The following SGCD variants were observed in gnomAD, a reference collection of about 807,000 sequenced individuals.
SGCD encodes delta-sarcoglycan.
A neutral mutation model predicts 36.6 loss-of-function variants in SGCD; 18 were observed. That is an observed-to-expected ratio of 0.49 (90% CI 0.34 to 0.73). SGCD has a LOEUF of 0.73. Among genes scored for constraint, SGCD ranks in the 30% least tolerant of loss-of-function variants. The probability of loss-of-function intolerance (pLI) is 0.01; values close to 1 mark genes in which losing one functional copy is unlikely to be tolerated. For synonymous variants in SGCD, 133 were observed against 130.6 expected (o/e 1.02, Z -0.12); for missense variants, 387 against 346.7 (o/e 1.12, Z -0.92).
At position 155,977,921 on chromosome 5, in the gene SGCD, C is replaced by T. The variant is rs182421431; in HGVS notation, c.-282+107497C>T. Among the ~76,000 whole-genome samples, 420 of 152,122 alleles carry T rather than the reference C, an allele frequency of 2.8e-3. 1 individual carries two copies. The highest frequency in any genetic ancestry group is 4.8e-3 in the Non-Finnish European group (324 of 67,986). On this transcript the variant is annotated intron_variant, in intron 1 of 9. Transcript: ENST00000517913. The stretch of plus-strand genomic sequence containing the variant: ...CCATCCTAGCTAACATGGTGAAACC[C>T]GGTATCTACTAAAACACAAAAAACT...
chr5:156,434,580 A>C (rs1391196380), intron 3 of SGCD, among the ~76,000 whole-genome samples: 2 of 152,222 alleles, frequency 1.3e-5, no homozygotes, highest in African/African-American at 4.8e-5. Flanking sequence ...TTAATGAATG[A>C]AGCCGTATGA....
At chr5:155,928,218 G>T (rs1757029943) in intron 1 of SGCD, among the ~76,000 whole-genome samples, 1 of 152,108 alleles carries the variant, frequency 6.6e-6, no homozygotes, top group Non-Finnish European at 1.5e-5. Flanking sequence ...TTAAGGAAAG[G>T]TCCTTTATAG....
At chr5:156,600,724 A>T (rs1196118282) in intron 6 of SGCD, among the ~76,000 whole-genome samples, 5 of 152,098 alleles carry the variant, frequency 3.3e-5, no homozygotes, top group African/African-American at 7.2e-5. Flanking sequence ...TGGTAGTTCT[A>T]TTTTAATTAT....
At chr5:156,699,951 A>G (rs1251411007) in intron 7 of SGCD, among the ~76,000 whole-genome samples, 1 of 152,146 alleles carries the variant, frequency 6.6e-6, no homozygotes, top group Non-Finnish European at 1.5e-5. Context: ...CTAAGTGAAC[A>G]GTGGGGGAAA....
chr5:156,037,849 G>A (rs1759537937), intron 1 of SGCD, among the ~76,000 whole-genome samples: 1 of 152,124 alleles, frequency 6.6e-6, no homozygotes, highest in Non-Finnish European at 1.5e-5. Flanking sequence ...GCTCTTTGAA[G>A]AAACATAATA....
intron 7 of SGCD, among the ~76,000 whole-genome samples, chr5:156,694,017 C>G (rs943958756): frequency 4.6e-5 from 7 of 152,130 alleles, no homozygotes; most frequent in Admixed American, 3.3e-4. Flanking sequence ...CTTGCAATGA[C>G]TTGTGATGTA....
At chr5:156,510,352 G>A (rs1005622777) in intron 4 of SGCD, among the ~76,000 whole-genome samples, 1 of 152,124 alleles carries the variant, frequency 6.6e-6, no homozygotes, top group Non-Finnish European at 1.5e-5. Flanking sequence ...ATTCTGCCTT[G>A]GACAGAATAG....
intron 3 of SGCD, among the ~76,000 whole-genome samples, chr5:156,215,453 AC>A: frequency 6.6e-6 from 1 of 152,268 alleles, no homozygotes; most frequent in South Asian, 2.1e-4. Flanking sequence ...TAATATTCAA[AC>A]TATGTAAGGA....
chr5:156,518,167 CAG>C (rs2113021563), intron 4 of SGCD, among the ~76,000 whole-genome samples: 1 of 152,068 alleles, frequency 6.6e-6, no homozygotes, highest in African/African-American at 2.4e-5. Flanking sequence ...AATGGAAAAA[CAG>C]AAAAAAGCAG....
At chr5:156,735,347 A>T (rs1286469055) in intron 7 of SGCD, among the ~76,000 whole-genome samples, 1 of 152,080 alleles carries the variant, frequency 6.6e-6, no homozygotes, top group Non-Finnish European at 1.5e-5. Flanking sequence ...CTACTAAGCC[A>T]CCCAAACAGC....
chr5:155,753,334 T>TCAAAA, the SGCD span, among the ~76,000 whole-genome samples: 1 of 135,838 alleles, frequency 7.4e-6, no homozygotes, highest in African/African-American at 3.5e-5. Context: ...AGACTTTGTC[T>TCAAAA]AAAAAAAAAA....
the SGCD span, among the ~76,000 whole-genome samples, chr5:155,755,111 C>G: frequency 1.3e-5 from 2 of 152,148 alleles, no homozygotes; most frequent in African/African-American, 2.4e-5. Flanking sequence ...CTACATTTTC[C>G]TAGAATATGG....
intron 1 of SGCD, among the ~76,000 whole-genome samples, chr5:156,001,894 C>T (rs1348542414): frequency 6.6e-6 from 1 of 152,146 alleles, no homozygotes; most frequent in Non-Finnish European, 1.5e-5. Context: ...GCTGGCCAGG[C>T]CCTCAAAAAT....
chr5:155,732,002 CT>C, the SGCD span, among the ~76,000 whole-genome samples: 1 of 152,196 alleles, frequency 6.6e-6, no homozygotes, highest in South Asian at 2.1e-4. Flanking sequence ...GTGAATTTCT[CT>C]TGATAAAAGG....
intron 6 of SGCD, among the ~76,000 whole-genome samples, chr5:156,645,688 T>C (rs1027462814): frequency 3.3e-5 from 5 of 152,044 alleles, no homozygotes; most frequent in Admixed American, 2.6e-4. Flanking sequence ...CCCCTCCCAC[T>C]TCCACCTAGT....
chr5:156,034,133 C>A (rs1455927914), intron 1 of SGCD, among the ~76,000 whole-genome samples: 1 of 152,144 alleles, frequency 6.6e-6, no homozygotes, highest in Non-Finnish European at 1.5e-5. Context: ...TTGTCTCCTG[C>A]AAAAGACTCC....
intron 1 of SGCD, among the ~76,000 whole-genome samples, chr5:156,077,564 T>C (rs1760819947): frequency 6.6e-6 from 1 of 152,184 alleles, no homozygotes; most frequent in Non-Finnish European, 1.5e-5. Context: ...TGCCTTTCTC[T>C]GTTGTGGAGT....
chr5:156,740,001 A>G (rs1756586606), intron 7 of SGCD, among the ~76,000 whole-genome samples: 1 of 152,226 alleles, frequency 6.6e-6, no homozygotes, highest in Non-Finnish European at 1.5e-5. Flanking sequence ...AGAAAACCCT[A>G]GGCCTCTGCA....
intron 3 of SGCD, among the ~76,000 whole-genome samples, chr5:156,421,240 G>C (rs1038566766): frequency 1.3e-5 from 2 of 151,996 alleles, no homozygotes; most frequent in African/African-American, 4.8e-5. Flanking sequence ...TATTAATAAA[G>C]AGGGTAATAA....
Sources: allele counts gnomAD v4.1 joint callset (sites outside exome capture counted in the v4.1 genomes callset), GRCh38; gene constraint gnomAD v4.1.1; transcripts MANE v1.5; gene names NCBI Gene and HGNC (gene_info 2026-07-23, HGNC 2026-07-21).